The following KRT2 variants were observed in gnomAD, a reference collection of about 807,000 sequenced individuals.
KRT2 encodes keratin 2.
KRT2 carries 37 observed loss-of-function variants against 48.5 expected under a neutral mutation model. The observed-to-expected ratio is 0.76, with a 90% CI of 0.59 to 1.00. The LOEUF (loss-of-function observed/expected upper bound fraction) is 1.00, where lower values mean the gene tolerates loss of function less well. KRT2 is among the 50% of genes least tolerant of loss of function. The probability of loss-of-function intolerance (pLI) is 0.00; values close to 1 mark genes in which losing one functional copy is unlikely to be tolerated. For synonymous variants in KRT2, 324 were observed against 312.2 expected (o/e 1.04, Z -0.40); for missense variants, 880 against 815.2 (o/e 1.08, Z -0.97).
rs1343840888 is a variant in KRT2, at chr12:52,651,557, C to T, written c.585+1G>A. The T allele has an allele frequency of 6.2e-7, 1 of 1,609,984 alleles. No homozygotes were observed. The highest frequency in any genetic ancestry group is 1.1e-5 in the South Asian group (1 of 91,022). ...GTGGGAGCCGTCTTCTCCAGAGTCA[C>T]CTTGTCAATGAAGGAGGCAAATTTG... On this transcript the variant is annotated splice_donor_variant, in intron 1 of 8. Transcript: ENST00000309680. LOFTEE classifies it high-confidence loss of function.
rs368047297 is a variant in KRT2 at position 52,644,998 on chromosome 12, G to A, written c.*21C>T. 1.7e-5 allele frequency: 28 copies of A among 1,613,424 alleles called. No homozygotes were observed. The highest frequency in any genetic ancestry group is 9.3e-5 in the African/African-American group (7 of 74,996). ...TGGGAGAGTCTGGGTTGGGAGAGTC[G>A]GTGGTGGTGGGGGCTCATCTTTATC... On this transcript the variant is annotated 3_prime_UTR_variant, in exon 9 of 9. Transcript: ENST00000309680.
chr12:52,645,105 ATCC>A lies in KRT2; in HGVS notation c.1831_1833del (p.Gly611del). 6.2e-7 allele frequency: 1 copy of A among 1,613,834 alleles called. No individual in the cohort carries two copies. Among genetic ancestry groups the A allele is most frequent in the Non-Finnish European group, 8.5e-7 (1 of 1,179,984 alleles). ...CTAGAACCCCCACCTCCAGAGCCATATCCTCCTCCAGAGCTGGAGCCTCCTCTA... is the reference window on the plus strand; with the variant it reads ...CTAGAACCCCCACCTCCAGAGCCATATCCTCCAGAGCTGGAGCCTCCTCTA... On this transcript the variant is annotated inframe_deletion, in exon 9 of 9. Coordinates refer to ENST00000309680, the MANE Select transcript of KRT2 (RefSeq NM_000423.3).
rs758628624 is a variant in KRT2 at position 52,648,167 on chromosome 12, A to T, written c.1122+6T>A. The T allele has an allele frequency of 7.4e-6, 12 of 1,613,914 alleles. No individual in the cohort carries two copies. The South Asian group carries it at 9.9e-5, about 13-fold the overall frequency. ...CTGTGGCTCTTCCTACATTCCCTCT[A>T]CTTGCCTTGCTGTGGTACAGGGCCT... On this transcript the variant is annotated splice_donor_region_variant and intron_variant, in intron 5 of 8. Transcript: ENST00000309680.
rs1033418144 is a variant in KRT2, at chr12:52,644,607, C to T, written c.*412G>A. 1.7e-5 allele frequency: 4 copies of T among 241,696 alleles called. No individual in the cohort carries two copies. Among genetic ancestry groups the T allele is most frequent in the African/African-American group, 6.8e-5 (3 of 44,314 alleles). 15.0% of individuals were successfully genotyped at this position (241,696 alleles called of 1,614,324 possible). A position where few individuals can be genotyped will look rare whatever the true frequency, so the allele number is the denominator to read the frequency against. ...GAAGACCCCCAGACCACAGCACTTCCGAAAGCAGAGTGGACAAGAGGAGCT... is the reference window on the plus strand; with the variant it reads ...GAAGACCCCCAGACCACAGCACTTCTGAAAGCAGAGTGGACAAGAGGAGCT... On this transcript the variant is annotated 3_prime_UTR_variant, in exon 9 of 9. Coordinates refer to ENST00000309680, the MANE Select transcript of KRT2 (RefSeq NM_000423.3).
Position 52,645,557 on chromosome 12 carries a change from G to C in KRT2, c.1482C>G (p.Asp494Glu), listed in dbSNP as rs771655941. 2.5e-6 allele frequency: 4 copies of C among 1,614,164 alleles called. No homozygotes were observed. In the East Asian group the frequency reaches 8.9e-5, roughly 36 times the overall value. The change falls in exon 8 of 9, where the codon GAC becomes GAG. Residue 494 changes from aspartate (D) to glutamate (E), a missense_variant. Transcript: ENST00000309680. The stretch of plus-strand genomic sequence containing the variant: ...TACACACAGTCACATTGCTGCTGAG[G>C]TCTCCAGACATCCTGTAAGGGAGAG... The part of the protein sequence containing the change: ...LEGEECRMSG[D>E]LSSNVTVSVT...
chr12:52,650,343 T>C lies in KRT2; in HGVS notation c.796A>G (p.Lys266Glu). Residue 266 changes from lysine to glutamate, a missense_variant, in exon 2 of 9, where the codon AAG (lysine) becomes GAG (glutamate). By Grantham distance (56) the Lys-to-Glu change is moderately conservative. Coordinates refer to ENST00000309680, the MANE Select transcript of KRT2 (RefSeq NM_000423.3). ...GCGTTTCACTCTGCCACCTACTTCTTCTTATAATCCTCCACAAGATCCTGC... is the reference window on the plus strand; with the variant it reads ...GCGTTTCACTCTGCCACCTACTTCTCCTTATAATCCTCCACAAGATCCTGC... ...NMQDLVEDYKKKYEDEINKRT... is the reference protein window; with the variant it reads ...NMQDLVEDYKEKYEDEINKRT... The C allele has an allele frequency of 6.2e-7, 1 of 1,613,700 alleles. No homozygotes were observed. The highest frequency in any genetic ancestry group is 1.7e-5 in the Admixed American group (1 of 60,020).
chr12:52,651,553 G>A lies in KRT2; in HGVS notation c.585+5C>T. The A allele has an allele frequency of 6.2e-7, 1 of 1,605,914 alleles. No homozygotes were observed. Among genetic ancestry groups the A allele is most frequent in the Non-Finnish European group, 8.5e-7 (1 of 1,172,510 alleles). On this transcript the variant is annotated splice_donor_5th_base_variant and intron_variant, in intron 1 of 8. Transcript: ENST00000309680. ...ATCAGTGGGAGCCGTCTTCTCCAGAGTCACCTTGTCAATGAAGGAGGCAAA... is the reference window on the plus strand; with the variant it reads ...ATCAGTGGGAGCCGTCTTCTCCAGAATCACCTTGTCAATGAAGGAGGCAAA...
chr12:52,649,173 T>C (rs571163834), intron 3 of KRT2, 71 bp from the exon 4 acceptor site: 6 of 926,502 alleles, frequency 6.5e-6, no homozygotes, highest in South Asian at 5.2e-5. Context: ...GCCACTCCCC[T>C]CTACTCAGTC....
At chr12:52,648,959 G>T in intron 4 of KRT2, 48 bp downstream of exon 4, 2 of 1,175,040 alleles carry the variant, frequency 1.7e-6, no homozygotes, top group Non-Finnish European at 2.6e-6. Context: ...ACTTTCATTT[G>T]GTGAGAAGGG....
intron 6 of KRT2, 63 bp from the exon 7 acceptor site, chr12:52,647,023 C>G: frequency 2.7e-6 from 4 of 1,494,178 alleles, no homozygotes; most frequent in Non-Finnish European, 3.7e-6. Flanking sequence ...CAGAGGTGTT[C>G]GAAGTGCAGG....
At chr12:52,650,784 G>A in intron 1 of KRT2, 1 of 577,814 alleles carries the variant, frequency 1.7e-6, no homozygotes, top group Non-Finnish European at 3.1e-6. Context: ...ACTCTTTGCT[G>A]CTTCACTGCT....
At position 52,645,075 on chromosome 12, in the gene KRT2, CA is replaced by C; in HGVS notation, c.1863del (p.Val622Ter). On this transcript the variant is annotated frameshift_variant, in exon 9 of 9. Transcript: ENST00000309680. LOFTEE classifies it high-confidence loss of function. ...GYGSGGGGSS[S>X]VKGSSGEAFG... is the part of the protein sequence containing the mutation. ...AAAGCTTCACCTGAGCTACCCTTTA[CA>C]GAGCTAGAACCCCCACCTCCAGAGC... 1.9e-6 allele frequency: 3 copies of C among 1,614,078 alleles called. No homozygotes were observed. In the East Asian group the frequency reaches 6.7e-5, roughly 36 times the overall value.
chr12:52,651,953 C>G lies in KRT2; in HGVS notation c.190G>C (p.Val64Leu). The G allele has an allele frequency of 1.2e-6, 2 of 1,613,894 alleles. No homozygotes were observed. The highest frequency in any genetic ancestry group is 1.3e-5 in the African/African-American group (1 of 75,046). Residue 64 changes from valine to leucine, a missense_variant, in exon 1 of 9, where the codon GTT (valine) becomes CTT (leucine). Physicochemically the swap from Val to Leu is conservative, Grantham distance 32. Transcript: ENST00000309680. ...ATGCTCTTGGTCCCTCCAAGGCCAA[C>G]AAGACTCCGACTGCCAAAGCCGCCT... ...GGGGFGSRSLVGLGGTKSISI... is the reference protein window; with the variant it reads ...GGGGFGSRSLLGLGGTKSISI...
At chr12:52,645,498 A>C (rs759466595) in intron 8 of KRT2, 37 bp downstream of exon 8, 5 of 1,614,040 alleles carry the variant, frequency 3.1e-6, no homozygotes, top group Admixed American at 1.7e-5. Flanking sequence ...CACCTGACAC[A>C]ACACCCCATG....
intron 6 of KRT2, 40 bp downstream of exon 6, chr12:52,647,690 G>A (rs1347883131): frequency 6.2e-7 from 1 of 1,610,572 alleles, no homozygotes; most frequent in Non-Finnish European, 8.5e-7. Flanking sequence ...CACACCCAGA[G>A]ACAACCTCCC....
In KRT2 at chr12:52,649,095, T is replaced by C; in HGVS notation, c.869A>G (p.Asp290Gly). The change falls in exon 4 of 9, where the codon GAC becomes GGC. Residue 290 changes from aspartate (D) to glycine (G), a missense_variant. Coordinates refer to ENST00000309680, the MANE Select transcript of KRT2 (RefSeq NM_000423.3). ...CTCCACCTTTATCATGTAGGCATTG[T>C]CCACGTCCTGCAAGAAAGGTTGAGG... ...NDFVTLKKDV[D>G]NAYMIKVELQ... 1 of 1,609,866 alleles carries C rather than the reference T, an allele frequency of 6.2e-7. No homozygotes were observed. Among genetic ancestry groups the C allele is most frequent in the African/African-American group, 1.3e-5 (1 of 74,934 alleles).
rs201344610 is a variant in KRT2, at chr12:52,650,550, G to T, written c.589C>A (p.Arg197=). ...ACCTGGTTCTGCTGCTCCAAGAACC[G>T]CACCTGCCATGACCAGAAGGAGAGC... is the stretch of plus-strand genomic sequence containing the variant. ...NKFASFIDKV[R]FLEQQNQVLQ... Residue 197 remains arginine (R), a synonymous_variant, in exon 2 of 9, where the codon CGG becomes AGG. Transcript: ENST00000309680. The T allele has an allele frequency of 2.6e-4, 411 of 1,607,896 alleles. No individual in the cohort carries two copies. Among genetic ancestry groups the T allele is most frequent in the Non-Finnish European group, 3.3e-4 (389 of 1,178,202 alleles).
At chr12:52,648,961 T>G in intron 4 of KRT2, 46 bp downstream of exon 4, 11 of 1,193,896 alleles carry the variant, frequency 9.2e-6, no homozygotes, top group Non-Finnish European at 1.4e-5. Flanking sequence ...TTTCATTTGG[T>G]GAGAAGGGTG....
Position 52,647,830 on chromosome 12 carries a change from C to G in KRT2, c.1148G>C (p.Gly383Ala). The G allele has an allele frequency of 6.2e-7, 1 of 1,614,110 alleles. No homozygotes were observed. The highest frequency in any genetic ancestry group is 8.5e-7 in the Non-Finnish European group (1 of 1,180,008). The change falls in exon 6 of 9, where the codon GGG becomes GCG. Residue 383 changes from glycine to alanine, a missense_variant. Physicochemically the swap from Gly to Ala is moderately conservative, Grantham distance 60. Transcript: ENST00000309680. ...SKYEELQVTV[G>A]RHGDSLKEIK... Reference sequence around the variant, plus strand: ...CTCTTTCAGGCTGTCTCCATGTCTCCCGACAGTCACCTGGAGCTCCTCATA... The same window carrying G: ...CTCTTTCAGGCTGTCTCCATGTCTCGCGACAGTCACCTGGAGCTCCTCATA...
Sources: gnomAD v4.1 joint callset for allele counts on GRCh38, gnomAD v4.1.1 for gene constraint, MANE v1.5 for transcripts, NCBI Gene and HGNC (gene_info 2026-07-23, HGNC 2026-07-21) for gene names.